Variants in CDKAL1 observed in about 807,000 individuals in gnomAD.
CDKAL1 encodes CDKAL1 threonylcarbamoyladenosine tRNA methylthiotransferase.
CDKAL1 carries 32 observed loss-of-function variants against 68.2 expected under a neutral mutation model. The observed-to-expected ratio is 0.47, with a 90% confidence interval of 0.35 to 0.63. CDKAL1 has a LOEUF of 0.63. CDKAL1 is among the 30% of genes least tolerant of loss of function. The pLI, the probability that CDKAL1 is intolerant of heterozygous loss-of-function variation, is 0.00. For synonymous variants in CDKAL1, 234 were observed against 244.3 expected (o/e 0.96, Z 0.39); for missense variants, 606 against 696.7 (o/e 0.87, Z 1.47).
At chr6:20,763,679 A>G (rs1736130843) in intron 7 of CDKAL1, among the ~76,000 whole-genome samples, 1 of 152,212 alleles carries the variant, frequency 6.6e-6, no homozygotes, top group Admixed American at 6.5e-5. Flanking sequence ...ATTGCTGCTT[A>G]TGTTACACCA....
At chr6:21,157,757 C>T (rs1212899020) in intron 13 of CDKAL1, among the ~76,000 whole-genome samples, 1 of 152,204 alleles carries the variant, frequency 6.6e-6, no homozygotes, top group Non-Finnish European at 1.5e-5. Flanking sequence ...GCACATCACT[C>T]AGCCTTGTTA....
At chr6:21,048,231 T>C (rs1030868056) in intron 11 of CDKAL1, among the ~76,000 whole-genome samples, 1 of 152,204 alleles carries the variant, frequency 6.6e-6, no homozygotes, top group Non-Finnish European at 1.5e-5. Flanking sequence ...TGAATGAGTG[T>C]AGCTGTGTTC....
intron 12 of CDKAL1, among the ~76,000 whole-genome samples, chr6:21,102,629 G>A (rs1716939932): frequency 6.6e-6 from 1 of 152,152 alleles, no homozygotes; most frequent in South Asian, 2.1e-4. Flanking sequence ...TTAGGATGTA[G>A]TTTTCTAACT....
chr6:20,748,893 T>A (rs2150336678), intron 6 of CDKAL1, among the ~76,000 whole-genome samples: 1 of 152,210 alleles, frequency 6.6e-6, no homozygotes, highest in South Asian at 2.1e-4. Flanking sequence ...ATTGTCTTTT[T>A]ATTTATTTAT....
intron 9 of CDKAL1, among the ~76,000 whole-genome samples, chr6:20,886,299 A>G (rs1369647192): frequency 2.0e-5 from 3 of 152,210 alleles, no homozygotes; most frequent in East Asian, 1.9e-4. Context: ...GCAATGTAAA[A>G]TGGTGCAGCT....
At chr6:20,796,013 C>T (rs924364068) in intron 8 of CDKAL1, among the ~76,000 whole-genome samples, 3 of 152,074 alleles carry the variant, frequency 2.0e-5, no homozygotes, top group Non-Finnish European at 4.4e-5. Flanking sequence ...TTCTTATTTC[C>T]AAAGGAGTCA....
intron 11 of CDKAL1, among the ~76,000 whole-genome samples, chr6:21,060,045 G>A (rs1260730934): frequency 2.6e-5 from 4 of 152,058 alleles, no homozygotes; most frequent in South Asian, 2.1e-4. Context: ...TTTGTAACAG[G>A]GTAATGCTGG....
intron 9 of CDKAL1, among the ~76,000 whole-genome samples, chr6:20,868,147 AAAAAGGGAAATATC>A (rs1398771388): frequency 6.6e-6 from 1 of 152,208 alleles, no homozygotes; most frequent in Non-Finnish European, 1.5e-5. Context: ...TTGTGCATAT[AAAAAGGGAAATATC>A]AACACTGTTG....
intron 15 of CDKAL1, among the ~76,000 whole-genome samples, chr6:21,201,689 TATC>T (rs755452213): frequency 1.3e-5 from 2 of 152,210 alleles, no homozygotes; most frequent in Non-Finnish European, 2.9e-5. Context: ...CACTAAACCA[TATC>T]ATATATGCAG....
At chr6:20,834,498 T>C (rs143127705) in intron 8 of CDKAL1, among the ~76,000 whole-genome samples, 4 of 152,282 alleles carry the variant, frequency 2.6e-5, no homozygotes, top group East Asian at 1.9e-4. Context: ...TTTGGCCTTT[T>C]GTTTGGTTGG....
At chr6:20,585,157 C>T (rs1765294891) in intron 4 of CDKAL1, among the ~76,000 whole-genome samples, 1 of 151,230 alleles carries the variant, frequency 6.6e-6, no homozygotes, top group Non-Finnish European at 1.5e-5. Context: ...CCCGGGTTCA[C>T]ACCATTCTCC....
chr6:20,868,462 C>A (rs1760022814), intron 9 of CDKAL1, among the ~76,000 whole-genome samples: 1 of 152,210 alleles, frequency 6.6e-6, no homozygotes, highest in Non-Finnish European at 1.5e-5. Context: ...GCTGAATAAG[C>A]ACTTATTTCA....
chr6:20,874,145 A>G (rs1760371068), intron 9 of CDKAL1, among the ~76,000 whole-genome samples: 1 of 152,222 alleles, frequency 6.6e-6, no homozygotes, highest in Non-Finnish European at 1.5e-5. Flanking sequence ...CTAAAGCCCC[A>G]TAAAAGCTAC....
At chr6:20,971,223 T>TAA (rs1181573593) in intron 10 of CDKAL1, among the ~76,000 whole-genome samples, 17 of 152,236 alleles carry the variant, frequency 1.1e-4, no homozygotes, top group Non-Finnish European at 8.8e-5. Flanking sequence ...TTCTGATAGA[T>TAA]AATTGAGTTC....
intron 5 of CDKAL1, among the ~76,000 whole-genome samples, chr6:20,700,896 GT>G (rs11398905): frequency 0.024 from 3,405 of 140,896 alleles, 118 homozygotes; most frequent in African/African-American, 0.075. Flanking sequence ...AGGTTTTTGG[GT>G]TTTTTTTTTT....
intron 8 of CDKAL1, among the ~76,000 whole-genome samples, chr6:20,841,985 G>A (rs1198617704): frequency 6.6e-6 from 1 of 152,112 alleles, no homozygotes; most frequent in East Asian, 1.9e-4. Context: ...TTTGGTTTTG[G>A]CTTTCTGCAG....
intron 7 of CDKAL1, among the ~76,000 whole-genome samples, chr6:20,779,641 G>A (rs141920040): frequency 6.6e-6 from 1 of 152,344 alleles, no homozygotes; most frequent in African/African-American, 2.4e-5. Context: ...TTGTAGCGCA[G>A]TGGCGTGATC....
intron 11 of CDKAL1, among the ~76,000 whole-genome samples, chr6:21,056,143 T>G (rs1227834083): frequency 6.6e-6 from 1 of 152,184 alleles, no homozygotes; most frequent in Admixed American, 6.5e-5. Flanking sequence ...CTTTTTTTCA[T>G]GTTTGTTGGC....
Position 21,142,105 on chromosome 6 carries a change from AG to A in CDKAL1, c.1299+33644del, listed in dbSNP as rs369576552. Among the ~76,000 whole-genome samples the A allele has an allele frequency of 4.5e-3, 687 of 152,236 alleles. 5 individuals are homozygous for A. Among genetic ancestry groups the A allele is most frequent in the African/African-American group, 0.016 (661 of 41,530 alleles). Reference sequence around the variant, plus strand: ...TCAGTAGTGTGCACCAGACTGGTCTAGGTGTTCCCAGCAATGACTGTGTTTT... The same window carrying A: ...TCAGTAGTGTGCACCAGACTGGTCTAGTGTTCCCAGCAATGACTGTGTTTT... On this transcript the variant is annotated intron_variant, in intron 13 of 15. Transcript: ENST00000274695.
Sources: allele counts gnomAD v4.1 joint callset (sites outside exome capture counted in the v4.1 genomes callset), GRCh38; gene constraint gnomAD v4.1.1; transcripts MANE v1.5; gene names NCBI Gene and HGNC (gene_info 2026-07-23, HGNC 2026-07-21).